Variants in PAX6 observed in about 807,000 individuals in gnomAD.
PAX6 encodes paired box 6.
A neutral mutation model predicts 60.7 loss-of-function variants in PAX6; 7 were observed. The observed-to-expected ratio is 0.12, with a 90% CI of 0.07 to 0.22. The LOEUF (loss-of-function observed/expected upper bound fraction) is 0.22, where lower values mean the gene tolerates loss of function less well. Among genes scored for constraint, PAX6 ranks in the 10% least tolerant of loss-of-function variants. The probability of loss-of-function intolerance (pLI) is 1.00; values close to 1 mark genes in which losing one functional copy is unlikely to be tolerated. For synonymous variants in PAX6, 208 were observed against 201.2 expected, an observed-to-expected ratio of 1.03 and a Z score of -0.29; for missense variants, 355 against 555.2, an observed-to-expected ratio of 0.64 and a Z score of 3.62.
intron 1 of PAX6, chr11:31,816,349 T>G: frequency 3.6e-6 from 2 of 560,072 alleles, no homozygotes; most frequent in Non-Finnish European, 6.3e-6. Context: ...ACGGGCGCCC[T>G]CCGATCACGA....
At chr11:31,816,653 C>T (rs766437520) in intron 1 of PAX6, 2 of 701,916 alleles carry the variant, frequency 2.8e-6, no homozygotes, top group South Asian at 3.0e-5. Flanking sequence ...AGGCGTGCGG[C>T]CGGACTGCCA....
chr11:31,802,154 T>C (rs1016465431), intron 5 of PAX6: 1 of 539,680 alleles, frequency 1.9e-6, no homozygotes, highest in Non-Finnish European at 3.3e-6. Context: ...AGTGGCGTTA[T>C]GTTTTAAAGA....
chr11:31,802,972 G>A (rs1565247406), intron 4 of PAX6, 138 bp from the exon 5 acceptor site: 2 of 893,418 alleles, frequency 2.2e-6, no homozygotes, highest in East Asian at 2.6e-5. Flanking sequence ...AGAGGAAGAA[G>A]GAGAGGAGGA....
intron 2 of PAX6, chr11:31,807,946 T>C (rs1956236680): frequency 6.6e-6 from 1 of 150,964 alleles, no homozygotes; most frequent in Non-Finnish European, 1.5e-5. Context: ...GTGGAGAAAA[T>C]AGAAAAGTAA....
At chr11:31,793,395 C>T (rs1565197171) in intron 12 of PAX6, 43 bp downstream of exon 12, 1 of 1,561,054 alleles carries the variant, frequency 6.4e-7, no homozygotes, top group African/African-American at 1.4e-5. Context: ...CTCCTCACTT[C>T]TCTGGGGCCT....
Position 31,800,627 on chromosome 11 carries a change from G to A in PAX6, c.565+64C>T, listed in dbSNP as rs533924051. The A allele has an allele frequency of 7.7e-5, 121 of 1,576,030 alleles. 1 individual carries two copies. In the South Asian group the frequency reaches 1.2e-3, roughly 16 times the overall value. On this transcript the variant is annotated intron_variant, in intron 8 of 13. Coordinates refer to ENST00000640368, the MANE Select transcript of PAX6 (RefSeq NM_001368894.2). ...AAGCCCTGAGAGGAAATGGTTGGGA[G>A]AGTAGGGGACAGGCAAAGGGATGCA...
In PAX6 at chr11:31,794,732, C is replaced by T. The variant is rs374396492; in HGVS notation, c.622G>A (p.Gly208Arg). The change falls in exon 9 of 14, where the codon GGA becomes AGA. Residue 208 changes from glycine to arginine, a missense_variant. By Grantham distance (125) the Gly-to-Arg change is moderately radical. Coordinates refer to ENST00000640368, the MANE Select transcript of PAX6 (RefSeq NM_001368894.2). ...GENTNSISSN[G>R]EDSDEAQMRL... ...ATTTGAGCCTCATCTGAATCTTCTC[C>T]GTTGGAACTGATGGAGTTGGTATTC... 5.6e-6 allele frequency: 9 copies of T among 1,614,004 alleles called. No homozygotes were observed. The highest frequency in any genetic ancestry group is 4.0e-5 in the African/African-American group (3 of 74,910).
At chr11:31,790,593 G>A in intron 13 of PAX6, 117 bp downstream of exon 13, 1 of 1,555,832 alleles carries the variant, frequency 6.4e-7, no homozygotes, top group Non-Finnish European at 8.8e-7. Context: ...CATCCCCCAG[G>A]GACAAGGAAA....
intron 12 of PAX6, chr11:31,793,090 A>G (rs1301315691): frequency 2.2e-5 from 13 of 601,230 alleles, no homozygotes; most frequent in African/African-American, 1.1e-4. Context: ...CTAATCTGCT[A>G]TCTGATAATG....
chr11:31,807,708 G>A (rs1956167930), intron 2 of PAX6: 1 of 152,206 alleles, frequency 6.6e-6, no homozygotes. Flanking sequence ...GCAAACAATG[G>A]CTTCTATTCT....
intron 4 of PAX6, chr11:31,805,025 G>C (rs986437028): frequency 2.0e-5 from 3 of 152,296 alleles, no homozygotes; most frequent in African/African-American, 7.2e-5. Context: ...TCGCCCACTG[G>C]CGATGATTAT....
chr11:31,799,810 C>T (rs1952962803), intron 8 of PAX6, among the ~76,000 whole-genome samples: 1 of 152,282 alleles, frequency 6.6e-6, no homozygotes, highest in Non-Finnish European at 1.5e-5. Context: ...GACGCCACGT[C>T]CCATTATCCC....
At chr11:31,814,302 A>T (rs1469763365), upstream of PAX6, 2 of 152,068 alleles carry the variant, frequency 1.3e-5, no homozygotes, top group Non-Finnish European at 2.9e-5. Context: ...GCCAGTATTG[A>T]TGCGTCAACA....
At position 31,806,463 on chromosome 11, in the gene PAX6, C is replaced by G. The variant is rs758413657; in HGVS notation, c.-51-1G>C. ...TTCCACGGGGCTCGAATATGGGGCT[C>G]TGTTAGCAAGAAAATAGGAGTTAAT... On this transcript the variant is annotated splice_acceptor_variant, in intron 3 of 13. Coordinates refer to ENST00000640368, the MANE Select transcript of PAX6 (RefSeq NM_001368894.2). LOFTEE classifies it low-confidence loss of function (5UTR_SPLICE). 4 of 1,595,122 alleles carry G rather than the reference C, an allele frequency of 2.5e-6. No homozygotes were observed. The highest frequency in any genetic ancestry group is 2.6e-6 in the Non-Finnish European group (3 of 1,170,520).
intron 13 of PAX6, chr11:31,790,305 A>T: frequency 1.6e-6 from 1 of 633,022 alleles, no homozygotes; most frequent in Non-Finnish European, 2.4e-6. Context: ...AACTTTTACA[A>T]TAAAGCTGTC....
chr11:31,804,100 T>C (rs1447015360), intron 4 of PAX6: 5 of 152,202 alleles, frequency 3.3e-5, no homozygotes, highest in Non-Finnish European at 7.3e-5. Context: ...GCTCCAAATA[T>C]AGAAGAGGGG....
At chr11:31,805,947 T>C (rs1955654150) in intron 4 of PAX6, 1 of 165,704 alleles carries the variant, frequency 6.0e-6, no homozygotes, top group Admixed American at 6.4e-5. Flanking sequence ...TGAGAGTGAC[T>C]TGGGGAGAGA....
chr11:31,817,661 G>A (rs1331691921), intron 1 of PAX6: 2 of 152,200 alleles, frequency 1.3e-5, no homozygotes, highest in Non-Finnish European at 2.9e-5. Context: ...TCAGTAACTC[G>A]CTTCCATCTT....
exon 1 of PAX6, chr11:31,817,882 G>A (rs1345740995): frequency 6.6e-6 from 1 of 152,668 alleles, no homozygotes; most frequent in Non-Finnish European, 1.5e-5. Context: ...CGCTCGGCAG[G>A]GGAAGTGGCA....
Sources: allele counts gnomAD v4.1 joint callset (sites outside exome capture counted in the v4.1 genomes callset), GRCh38; gene constraint gnomAD v4.1.1; transcripts MANE v1.5; gene names NCBI Gene and HGNC (gene_info 2026-07-23, HGNC 2026-07-21).